PDZRN4: variants seen among roughly 807,000 people sequenced by gnomAD.
PDZRN4 encodes PDZ domain-containing RING finger protein 4.
A neutral mutation model predicts 99.0 loss-of-function variants in PDZRN4; 70 were observed. That is an observed-to-expected ratio of 0.71 (90% CI 0.58 to 0.86). PDZRN4 has a LOEUF of 0.86. Ranked by LOEUF, PDZRN4 falls within the 40% of genes least tolerant of loss-of-function variation. The pLI, the probability that PDZRN4 is intolerant of heterozygous loss-of-function variation, is 0.00. For synonymous variants in PDZRN4, 551 were observed against 501.6 expected, an observed-to-expected ratio of 1.10 and a Z score of -1.32; for missense variants, 1,474 against 1,331.2, an observed-to-expected ratio of 1.11 and a Z score of -1.67.
At chr12:41,525,854 A>T (rs1938559212) in intron 5 of PDZRN4, among the ~76,000 whole-genome samples, 1 of 152,166 alleles carries the variant, frequency 6.6e-6, no homozygotes, top group East Asian at 1.9e-4. Flanking sequence ...AAAAAAAAAA[A>T]TTCAAATTAA....
At chr12:41,283,928 C>T (rs540258261) in intron 3 of PDZRN4, among the ~76,000 whole-genome samples, 46 of 152,306 alleles carry the variant, frequency 3.0e-4, no homozygotes, top group Non-Finnish European at 6.5e-4. Context: ...AAACTGGAAG[C>T]ATTCCCTTTG....
At chr12:41,542,440 C>T (rs1300924251) in intron 5 of PDZRN4, among the ~76,000 whole-genome samples, 2 of 152,212 alleles carry the variant, frequency 1.3e-5, no homozygotes, top group African/African-American at 4.8e-5. Context: ...GCTCTCCATC[C>T]TCATTCAGTT....
chr12:41,195,033 G>GA (rs1479175228), intron 3 of PDZRN4, among the ~76,000 whole-genome samples: 1 of 151,834 alleles, frequency 6.6e-6, no homozygotes, highest in African/African-American at 2.4e-5. Flanking sequence ...TCTTTGTTGT[G>GA]AAAACCTGGT....
At chr12:41,483,629 T>A (rs1361201360) in intron 3 of PDZRN4, among the ~76,000 whole-genome samples, 1 of 152,174 alleles carries the variant, frequency 6.6e-6, no homozygotes, top group Non-Finnish European at 1.5e-5. Flanking sequence ...TCTTCCCAGA[T>A]CTCACAAGAA....
Position 41,402,662 on chromosome 12 carries a change from C to CAT in PDZRN4, c.844-103776_844-103775dup, listed in dbSNP as rs55908719. Among the ~76,000 whole-genome samples the CAT allele has an allele frequency of 1.6e-3, 21 of 13,044 alleles. 7 individuals carry two copies. Among genetic ancestry groups the CAT allele is most frequent in the South Asian group, 3.3e-3 (2 of 610 alleles). 8.6% of individuals were successfully genotyped at this position (13,044 alleles called of 152,430 possible). ...TATATATATATATACTGAGTATATA[C>CAT]ATATATATATATATATATACTGAGT... On this transcript the variant is annotated intron_variant, in intron 3 of 9. Coordinates refer to ENST00000402685, the MANE Select transcript of PDZRN4 (RefSeq NM_001164595.2).
chr12:41,527,000 T>C (rs1938578930), intron 5 of PDZRN4, among the ~76,000 whole-genome samples: 1 of 152,136 alleles, frequency 6.6e-6, no homozygotes, highest in Admixed American at 6.6e-5. Context: ...TAAGCCAAAA[T>C]AAATAAGGCA....
At chr12:41,357,642 G>C (rs10785250) in intron 3 of PDZRN4, among the ~76,000 whole-genome samples, 3 of 151,704 alleles carry the variant, frequency 2.0e-5, no homozygotes, top group Non-Finnish European at 4.4e-5. Flanking sequence ...GCTTAAGCAT[G>C]TACTGTACCT....
intron 3 of PDZRN4, among the ~76,000 whole-genome samples, chr12:41,447,991 T>C (rs561183711): frequency 1.3e-5 from 2 of 152,294 alleles, no homozygotes; most frequent in African/African-American, 4.8e-5. Context: ...AAAGGGTCTA[T>C]GGAAGATGCT....
intron 8 of PDZRN4, among the ~76,000 whole-genome samples, chr12:41,564,865 G>A (rs1331414454): frequency 6.6e-6 from 1 of 151,928 alleles, no homozygotes; most frequent in Non-Finnish European, 1.5e-5. Context: ...ATAATAAAGG[G>A]GCTAAATGCA....
chr12:41,382,920 T>G (rs1952137556), intron 3 of PDZRN4, among the ~76,000 whole-genome samples: 1 of 152,238 alleles, frequency 6.6e-6, no homozygotes, highest in Admixed American at 6.5e-5. Context: ...TTGCCAGTTT[T>G]CATTTTGCAG....
chr12:41,539,822 G>A (rs1938816776), intron 5 of PDZRN4, among the ~76,000 whole-genome samples: 1 of 152,158 alleles, frequency 6.6e-6, no homozygotes, highest in South Asian at 2.1e-4. Context: ...ATAGACACGG[G>A]CATCTCCCAG....
At chr12:41,427,156 C>T (rs1405958208) in intron 3 of PDZRN4, among the ~76,000 whole-genome samples, 2 of 152,142 alleles carry the variant, frequency 1.3e-5, no homozygotes, top group African/African-American at 2.4e-5. Flanking sequence ...ATGACACCAA[C>T]CATTTTTATC....
At chr12:41,457,409 A>C (rs1952825395) in intron 3 of PDZRN4, among the ~76,000 whole-genome samples, 1 of 152,236 alleles carries the variant, frequency 6.6e-6, no homozygotes, top group Admixed American at 6.5e-5. Flanking sequence ...TAAATTTTTC[A>C]CAGAGGAAAA....
intron 3 of PDZRN4, among the ~76,000 whole-genome samples, chr12:41,295,886 G>A (rs994623738): frequency 6.6e-6 from 1 of 152,116 alleles, no homozygotes; most frequent in Non-Finnish European, 1.5e-5. Flanking sequence ...AAATAAATCA[G>A]CAGTTTACAA....
At chr12:41,341,684 T>C (rs1303659261) in intron 3 of PDZRN4, among the ~76,000 whole-genome samples, 2 of 151,696 alleles carry the variant, frequency 1.3e-5, no homozygotes, top group African/African-American at 2.4e-5. Flanking sequence ...AAAACATTGA[T>C]AGAAGAAATT....
At chr12:41,474,856 TTGACTC>T in intron 3 of PDZRN4, among the ~76,000 whole-genome samples, 1 of 152,298 alleles carries the variant, frequency 6.6e-6, no homozygotes, top group East Asian at 1.9e-4. Context: ...AGAAAAATAT[TTGACTC>T]TGAGGATGCA....
chr12:41,489,488 G>A (rs1937841237), intron 3 of PDZRN4, among the ~76,000 whole-genome samples: 1 of 152,064 alleles, frequency 6.6e-6, no homozygotes, highest in Non-Finnish European at 1.5e-5. Flanking sequence ...TTGTATTAGA[G>A]TAATCATGAG....
At chr12:41,315,472 T>G (rs913585308) in intron 3 of PDZRN4, among the ~76,000 whole-genome samples, 5 of 152,150 alleles carry the variant, frequency 3.3e-5, no homozygotes, top group African/African-American at 1.2e-4. Flanking sequence ...ACCCCTGTTT[T>G]TGAGTAAAAT....
chr12:41,380,404 C>T (rs889419668), intron 3 of PDZRN4, among the ~76,000 whole-genome samples: 2 of 151,876 alleles, frequency 1.3e-5, no homozygotes, highest in South Asian at 2.1e-4. Flanking sequence ...CGTTAATTTC[C>T]TTGTTCCTTT....
Sources: allele counts gnomAD v4.1 joint callset (sites outside exome capture counted in the v4.1 genomes callset), GRCh38; gene constraint gnomAD v4.1.1; transcripts MANE v1.5; gene names NCBI Gene and HGNC (gene_info 2026-07-23, HGNC 2026-07-21).